The following SHISAL1 variants were observed in gnomAD, a reference collection of about 807,000 sequenced individuals.
SHISAL1 encodes the protein protein shisa-like-1.
Under a neutral mutation model 22.6 loss-of-function variants are expected in SHISAL1, and 9 were observed. The ratio of observed to expected loss-of-function variants is 0.40; its 90% CI spans 0.24 to 0.70. SHISAL1 has a LOEUF of 0.70. Among genes scored for constraint, SHISAL1 ranks in the 30% least tolerant of loss-of-function variants. SHISAL1 has a pLI of 0.39. For missense variants in SHISAL1, 246 were observed against 270.6 expected, an observed-to-expected ratio of 0.91 and a Z score of 0.64; for synonymous variants, 119 against 115.4, an observed-to-expected ratio of 1.03 and a Z score of -0.20.
intron 4 of SHISAL1, among the ~76,000 whole-genome samples, chr22:44,266,528 A>ATGTGTGTATGTGTGTGTG (rs1555926299): frequency 3.1e-4 from 34 of 108,416 alleles, no homozygotes; most frequent in African/African-American, 1.2e-3. Context: ...GCTTTGGGGT[A>ATGTGTGTATGTGTGTGTG]TGTGTGTGTG....
At chr22:44,269,282 T>TA (rs1441977817) in intron 4 of SHISAL1, among the ~76,000 whole-genome samples, 1 of 111,514 alleles carries the variant, frequency 9.0e-6, no homozygotes, top group Non-Finnish European at 1.8e-5. Context: ...ACAACACACA[T>TA]ACACACACCC....
At chr22:44,278,360 C>T (rs560132989) in intron 4 of SHISAL1, among the ~76,000 whole-genome samples, 1 of 152,300 alleles carries the variant, frequency 6.6e-6, no homozygotes, top group Admixed American at 6.5e-5. Context: ...TGAGTTACTA[C>T]TACTTAATAA....
chr22:44,289,309 G>A (rs562404655), intron 3 of SHISAL1, among the ~76,000 whole-genome samples: 1 of 152,302 alleles, frequency 6.6e-6, no homozygotes, highest in South Asian at 2.1e-4. Context: ...TGATCTTGGG[G>A]GAATTCCATG....
rs1244204710 is a variant in SHISAL1, at chr22:44,248,487, C to A, written c.*1198G>T. On this transcript the variant is annotated 3_prime_UTR_variant, in exon 5 of 5. Transcript: ENST00000381176. ...GGGGCAGGAGTGGGGGTGATTAGCT[C>A]GGTGGGTGGATGTTACGGGCATGGA... The A allele has an allele frequency of 1.3e-5, 2 of 152,080 alleles. No homozygotes were observed. Among genetic ancestry groups the A allele is most frequent in the South Asian group, 4.2e-4 (2 of 4,812 alleles). 9.4% of individuals were successfully genotyped at this position (152,080 alleles called of 1,614,324 possible). A position where few individuals can be genotyped will look rare whatever the true frequency, so the allele number is the denominator to read the frequency against.
chr22:44,289,624 G>C (rs952419035), intron 3 of SHISAL1, among the ~76,000 whole-genome samples: 1 of 152,222 alleles, frequency 6.6e-6, no homozygotes, highest in Non-Finnish European at 1.5e-5. Flanking sequence ...TGTTGCCTTT[G>C]CTGATTCGCC....
intron 3 of SHISAL1, among the ~76,000 whole-genome samples, chr22:44,286,267 C>T (rs1163579288): frequency 6.6e-6 from 1 of 152,184 alleles, no homozygotes; most frequent in African/African-American, 2.4e-5. Flanking sequence ...GCCCTCTAGA[C>T]CCTCTCTCAG....
At chr22:44,263,619 G>A (rs749280812) in intron 4 of SHISAL1, among the ~76,000 whole-genome samples, 5 of 152,200 alleles carry the variant, frequency 3.3e-5, no homozygotes, top group Non-Finnish European at 7.3e-5. Context: ...CCATCACAGG[G>A]TCCTAAGTGA....
chr22:44,256,611 C>CA (rs2055086652), intron 4 of SHISAL1, among the ~76,000 whole-genome samples: 1 of 152,210 alleles, frequency 6.6e-6, no homozygotes, highest in Non-Finnish European at 1.5e-5. Flanking sequence ...TCCTCTATCT[C>CA]AAACGCATTA....
At chr22:44,264,136 T>C (rs556863381) in intron 4 of SHISAL1, among the ~76,000 whole-genome samples, 2 of 152,288 alleles carry the variant, frequency 1.3e-5, no homozygotes, top group East Asian at 3.9e-4. Flanking sequence ...ACCTTCATCT[T>C]TTGCTTCCTG....
intron 1 of SHISAL1, among the ~76,000 whole-genome samples, chr22:44,311,681 G>C (rs893727986): frequency 1.3e-5 from 2 of 152,208 alleles, no homozygotes; most frequent in Non-Finnish European, 2.9e-5. Context: ...ACAGCTGAAA[G>C]GGGCTTAGCT....
chr22:44,245,938 G>A lies in SHISAL1; in HGVS notation c.*3747C>T, dbSNP rs1316000869. Reference sequence around the variant, plus strand: ...CTACTTGCTGCTTTCTAGAGCATTGGAGACAGCAAGAGGGACCAGATCTAC... The same window carrying A: ...CTACTTGCTGCTTTCTAGAGCATTGAAGACAGCAAGAGGGACCAGATCTAC... On this transcript the variant is annotated 3_prime_UTR_variant, in exon 5 of 5. Coordinates refer to ENST00000381176, the MANE Select transcript of SHISAL1 (RefSeq NM_001099294.2). 1 of 152,232 alleles carries A rather than the reference G, an allele frequency of 6.6e-6. No individual in the cohort carries two copies. Among genetic ancestry groups the A allele is most frequent in the East Asian group, 1.9e-4 (1 of 5,204 alleles). 9.4% of individuals were successfully genotyped at this position (152,232 alleles called of 1,614,324 possible). A position where few individuals can be genotyped will look rare whatever the true frequency, so the allele number is the denominator to read the frequency against.
chr22:44,308,444 G>A (rs963660712), intron 1 of SHISAL1, among the ~76,000 whole-genome samples: 6 of 152,338 alleles, frequency 3.9e-5, no homozygotes, highest in African/African-American at 1.4e-4. Flanking sequence ...CAGCCCTCTG[G>A]GTCTGTGGTG....
At chr22:44,329,441 A>G in the SHISAL1 span, among the ~76,000 whole-genome samples, 1 of 126,022 alleles carries the variant, frequency 7.9e-6, no homozygotes, top group Non-Finnish European at 1.6e-5. Context: ...CGAGAATGGG[A>G]CACACACACA....
chr22:44,327,455 G>C, the SHISAL1 span, among the ~76,000 whole-genome samples: 1 of 152,160 alleles, frequency 6.6e-6, no homozygotes, highest in Non-Finnish European at 1.5e-5. Flanking sequence ...AAGGAGGAAG[G>C]GGCTCATGAT....
At chr22:44,270,707 G>A (rs564279613) in intron 4 of SHISAL1, among the ~76,000 whole-genome samples, 50 of 152,240 alleles carry the variant, frequency 3.3e-4, no homozygotes, top group African/African-American at 1.0e-3. Context: ...GGACACAGAC[G>A]GAAAACCCAA....
intron 2 of SHISAL1, among the ~76,000 whole-genome samples, chr22:44,299,695 C>T (rs1356209680): frequency 2.0e-5 from 3 of 151,894 alleles, no homozygotes; most frequent in African/African-American, 7.3e-5. Flanking sequence ...TGAGGAGGTA[C>T]AGAGAGACAC....
chr22:44,319,958 T>C, the SHISAL1 span, among the ~76,000 whole-genome samples: 1 of 152,150 alleles, frequency 6.6e-6, no homozygotes, highest in African/African-American at 2.4e-5. Context: ...GTGATGGATC[T>C]GATTCCAATC....
intron 4 of SHISAL1, among the ~76,000 whole-genome samples, chr22:44,253,814 A>T (rs2055066246): frequency 6.7e-6 from 1 of 148,876 alleles, no homozygotes; most frequent in African/African-American, 2.5e-5. Context: ...GGATATACGG[A>T]GCCAAATAAT....
At chr22:44,303,379 AG>A (rs907126020) in intron 1 of SHISAL1, among the ~76,000 whole-genome samples, 1 of 152,140 alleles carries the variant, frequency 6.6e-6, no homozygotes, top group African/African-American at 2.4e-5. Flanking sequence ...AGGGTGAAGT[AG>A]GGTGGCTCCC....
Sources: gnomAD v4.1 joint callset for allele counts (sites outside exome capture counted in the v4.1 genomes callset) on GRCh38, gnomAD v4.1.1 for gene constraint, MANE v1.5 for transcripts, NCBI Gene and HGNC (gene_info 2026-07-23, HGNC 2026-07-21) for gene names.